Variants in RNF150 observed in about 807,000 individuals in gnomAD.
RNF150 encodes ring finger protein 150.
Under a neutral mutation model 39.3 loss-of-function variants are expected in RNF150, and 24 were observed. The observed-to-expected ratio is 0.61, with a 90% CI of 0.44 to 0.86. The LOEUF (loss-of-function observed/expected upper bound fraction) is 0.86. RNF150 is among the 40% of genes least tolerant of loss of function. The pLI, the probability that RNF150 is intolerant of heterozygous loss-of-function variation, is 0.00. For synonymous variants in RNF150, 255 were observed against 227.3 expected, an observed-to-expected ratio of 1.12 and a Z score of -1.10; for missense variants, 502 against 587.8, an observed-to-expected ratio of 0.85 and a Z score of 1.51.
intron 1 of RNF150, among the ~76,000 whole-genome samples, chr4:141,046,307 T>A (rs1560707670): frequency 6.6e-6 from 1 of 152,172 alleles, no homozygotes; most frequent in Non-Finnish European, 1.5e-5. Context: ...ATACTAACAC[T>A]CCTCTTTAAA....
intron 4 of RNF150, among the ~76,000 whole-genome samples, chr4:140,929,362 T>G (rs1331884463): frequency 2.3e-5 from 3 of 131,306 alleles, no homozygotes; most frequent in Non-Finnish European, 4.9e-5. Context: ...TGCTAAGTTT[T>G]TTTTTTTTTT....
chr4:140,965,037 T>C (rs748225988), intron 2 of RNF150, among the ~76,000 whole-genome samples: 1 of 152,114 alleles, frequency 6.6e-6, no homozygotes, highest in African/African-American at 2.4e-5. Context: ...CTCTACTTCA[T>C]TCATTACACT....
chr4:141,103,320 C>A (rs1233644819), intron 1 of RNF150, among the ~76,000 whole-genome samples: 1 of 152,200 alleles, frequency 6.6e-6, no homozygotes, highest in Non-Finnish European at 1.5e-5. Context: ...GACTCTCCTC[C>A]TTAACCCAAG....
chr4:140,868,205 C>T lies in RNF150; in HGVS notation c.*56G>A. The T allele has an allele frequency of 9.7e-7, 1 of 1,031,810 alleles. No homozygotes were observed. The allele number at this position is 1,031,810 out of a possible 1,614,324, so 63.9% of individuals were successfully genotyped here. On this transcript the variant is annotated 3_prime_UTR_variant, in exon 7 of 7. Transcript: ENST00000515673. ...TGTGCCTGGTCCAAGTCTTGGAGCA[C>T]TCTTCCCTTCCTTTCCCTTGGGTCC... is the stretch of plus-strand genomic sequence containing the variant.
intron 5 of RNF150, 52 bp downstream of exon 5, chr4:140,925,925 G>A: frequency 7.8e-7 from 1 of 1,282,018 alleles, no homozygotes. Flanking sequence ...CCTGCTTTGA[G>A]GGCAACGCAG....
intron 2 of RNF150, among the ~76,000 whole-genome samples, chr4:140,964,814 A>T (rs576473437): frequency 6.6e-6 from 1 of 152,216 alleles, no homozygotes; most frequent in East Asian, 1.9e-4. Context: ...AGACATTATA[A>T]TTCTAGAGTA....
intron 1 of RNF150, among the ~76,000 whole-genome samples, chr4:141,099,066 C>T (rs928915198): frequency 5.9e-5 from 9 of 151,996 alleles, no homozygotes; most frequent in African/African-American, 1.7e-4. Context: ...ATTATTTCTG[C>T]CACTCTTATA....
At chr4:140,949,255 CT>C in intron 3 of RNF150, 45 bp downstream of exon 3, 1 of 1,474,514 alleles carries the variant, frequency 6.8e-7, no homozygotes, top group Non-Finnish European at 9.3e-7. Flanking sequence ...AAGTTAGAAG[CT>C]TCTTTGAATA....
intron 1 of RNF150, among the ~76,000 whole-genome samples, chr4:141,147,950 C>G (rs1166213591): frequency 6.6e-6 from 1 of 152,150 alleles, no homozygotes; most frequent in Non-Finnish European, 1.5e-5. Context: ...AACTTTTAAA[C>G]CAATTCATGT....
chr4:141,135,671 T>C (rs894846021), upstream of RNF150, among the ~76,000 whole-genome samples: 1 of 152,220 alleles, frequency 6.6e-6, no homozygotes, highest in Non-Finnish European at 1.5e-5. Context: ...AAGTCACCAT[T>C]TGACAAGAGT....
chr4:141,027,018 G>A (rs1735722761), intron 1 of RNF150, among the ~76,000 whole-genome samples: 1 of 152,176 alleles, frequency 6.6e-6, no homozygotes, highest in Admixed American at 6.5e-5. Context: ...AGACTGAAGA[G>A]GGGTTCCTTA....
At chr4:141,101,825 G>A (rs575553436) in intron 1 of RNF150, among the ~76,000 whole-genome samples, 9 of 151,964 alleles carry the variant, frequency 5.9e-5, no homozygotes, top group South Asian at 4.2e-4. Context: ...TCTGTTGCCC[G>A]GGCTGGAGTG....
At chr4:140,952,288 A>T (rs939160681) in intron 2 of RNF150, among the ~76,000 whole-genome samples, 2 of 152,228 alleles carry the variant, frequency 1.3e-5, no homozygotes, top group African/African-American at 4.8e-5. Context: ...CTGGGATTAC[A>T]GGCATGAGCC....
At chr4:141,205,410 G>A (rs1728359091) in intron 1 of RNF150, among the ~76,000 whole-genome samples, 1 of 152,016 alleles carries the variant, frequency 6.6e-6, no homozygotes, top group Non-Finnish European at 1.5e-5. Flanking sequence ...AGGTAATAAA[G>A]GAAACAAAGA....
At position 141,132,326 on chromosome 4, in the gene RNF150, C is replaced by T. The variant is rs549301944; in HGVS notation, c.483G>A (p.Ala161=). Residue 161 remains alanine, a splice_region_variant and synonymous_variant, in exon 1 of 7, where the codon GCG becomes GCA. Coordinates refer to ENST00000515673, the MANE Select transcript of RNF150 (RefSeq NM_020724.2). This position sits in a 1 kb window ranked among gnomAD's most constrained non-coding sequence, Gnocchi z 4.9. The part of the protein sequence containing the change: ...NTNETITMPH[A]GVEDIVAIMI... ...CCCCGCGCCCGCTGGGCCACTCACC[C>T]GCGTGGGGCATGGTGATGGTCTCGT... is the stretch of plus-strand genomic sequence containing the variant. The T allele has an allele frequency of 2.5e-6, 4 of 1,575,276 alleles. No individual in the cohort carries two copies. Among genetic ancestry groups the T allele is most frequent in the South Asian group, 2.3e-5 (2 of 85,798 alleles).
At chr4:141,169,750 T>C (rs1260898374) in intron 1 of RNF150, among the ~76,000 whole-genome samples, 1 of 152,160 alleles carries the variant, frequency 6.6e-6, no homozygotes, top group Non-Finnish European at 1.5e-5. Context: ...CTTGTTTTGT[T>C]GTAATATTTG....
chr4:141,014,793 G>A (rs1160407879), intron 1 of RNF150, among the ~76,000 whole-genome samples: 1 of 150,636 alleles, frequency 6.6e-6, no homozygotes, highest in Admixed American at 6.6e-5. Context: ...CCTTTACTTT[G>A]TTGTTTCCTG....
intron 1 of RNF150, among the ~76,000 whole-genome samples, chr4:141,160,546 G>A (rs1421962031): frequency 6.6e-6 from 1 of 152,154 alleles, no homozygotes; most frequent in African/African-American, 2.4e-5. Flanking sequence ...GATATGGTTT[G>A]GATCTCTATC....
At chr4:141,155,559 G>C (rs1177722196) in intron 1 of RNF150, among the ~76,000 whole-genome samples, 2 of 152,040 alleles carry the variant, frequency 1.3e-5, no homozygotes, top group Non-Finnish European at 2.9e-5. Context: ...TATTAAACAG[G>C]GTATAGCAGG....
Sources: gnomAD v4.1 joint callset for allele counts (sites outside exome capture counted in the v4.1 genomes callset) on GRCh38, gnomAD v4.1.1 for gene constraint, Gnocchi (gnomAD v3.1) non-coding constraint, MANE v1.5 for transcripts, NCBI Gene and HGNC (gene_info 2026-07-23, HGNC 2026-07-21) for gene names.